Variants in MYO5B observed in about 807,000 individuals in gnomAD.
MYO5B encodes unconventional myosin-Vb.
Under a neutral mutation model 229.3 loss-of-function variants are expected in MYO5B, and 143 were observed. The observed-to-expected ratio is 0.62, with a 90% CI of 0.54 to 0.72. MYO5B has a LOEUF of 0.72. Among genes scored for constraint, MYO5B ranks in the 30% least tolerant of loss-of-function variants. MYO5B has a pLI of 0.00. For missense variants in MYO5B, 2,321 were observed against 2,331.0 expected (o/e 1.00, Z 0.09); for synonymous variants, 918 against 885.2 (o/e 1.04, Z -0.66).
chr18:49,878,419 A>G (rs2024550500), intron 24 of MYO5B, among the ~76,000 whole-genome samples: 1 of 244 alleles, frequency 4.1e-3, no homozygotes. Flanking sequence ...GTTCCTATTC[A>G]GCTTTTCTTT....
chr18:49,967,577 A>G (rs544313227), intron 10 of MYO5B, among the ~76,000 whole-genome samples: 9 of 152,372 alleles, frequency 5.9e-5, no homozygotes, highest in African/African-American at 1.9e-4. Flanking sequence ...AATGATTATT[A>G]GAAGTCACAC....
intron 1 of MYO5B, among the ~76,000 whole-genome samples, chr18:50,140,730 G>A (rs913105418): frequency 1.3e-5 from 2 of 152,194 alleles, no homozygotes; most frequent in African/African-American, 2.4e-5. Context: ...CGACTGTCTA[G>A]TTATAACCAC....
At chr18:50,062,623 C>T (rs920612205) in intron 1 of MYO5B, among the ~76,000 whole-genome samples, 1 of 152,112 alleles carries the variant, frequency 6.6e-6, no homozygotes, top group African/African-American at 2.4e-5. Flanking sequence ...TTAATTAAGC[C>T]CTGCACCCCC....
In MYO5B at chr18:49,961,373, G is replaced by T. The variant is rs1284990298; in HGVS notation, c.1545+893C>A. Among the ~76,000 whole-genome samples the T allele has an allele frequency of 2.0e-5, 3 of 152,174 alleles. No individual in the cohort carries two copies. The East Asian group carries it at 5.8e-4, about 29-fold the overall frequency. ...AAAAAATATGCAAGCTGTAGAACTGGTATATTTTTCTCTGTCTTCTACTGT... is the reference window on the plus strand; with the variant it reads ...AAAAAATATGCAAGCTGTAGAACTGTTATATTTTTCTCTGTCTTCTACTGT... On this transcript the variant is annotated intron_variant, in intron 12 of 39. Coordinates refer to ENST00000285039, the MANE Select transcript of MYO5B (RefSeq NM_001080467.3).
Position 49,992,385 on chromosome 18 carries a change from A to C in MYO5B, c.659T>G (p.Phe220Cys). 6.2e-7 allele frequency: 1 copy of C among 1,614,228 alleles called. No individual in the cohort carries two copies. Among genetic ancestry groups the C allele is most frequent in the Non-Finnish European group, 8.5e-7 (1 of 1,180,042 alleles). The change falls in exon 6 of 40, where the codon TTT becomes TGT. Residue 220 changes from phenylalanine to cysteine, a missense_variant. By Grantham distance (205) the Phe-to-Cys change is radical. This residue lies in a region of MYO5B where 2,113 missense variants were observed against 2,044.7 expected (regional missense o/e 1.03). Transcript: ENST00000285039. ...KTTRNDNSSRFGKYIQIGFDK... is the reference protein window; with the variant it reads ...KTTRNDNSSRCGKYIQIGFDK... ...AAAGCCAATCTGGATGTACTTGCCA[A>C]AACGGCTGCTGTTGTCATTGCGGGT... is the stretch of plus-strand genomic sequence containing the variant.
chr18:50,160,433 C>G (rs890198192), intron 1 of MYO5B, among the ~76,000 whole-genome samples: 1 of 152,148 alleles, frequency 6.6e-6, no homozygotes, highest in Non-Finnish European at 1.5e-5. Context: ...TTCTGTGGAC[C>G]AGTTAATATT....
At chr18:50,131,355 G>T (rs1705518) in intron 1 of MYO5B, among the ~76,000 whole-genome samples, 1 of 152,186 alleles carries the variant, frequency 6.6e-6, no homozygotes, top group Admixed American at 6.5e-5. Context: ...TGTACCATGA[G>T]TCTTTGAGCA....
intron 1 of MYO5B, among the ~76,000 whole-genome samples, chr18:50,063,175 G>A (rs905154597): frequency 2.0e-5 from 3 of 152,098 alleles, no homozygotes; most frequent in African/African-American, 4.8e-5. Flanking sequence ...GAAGCTCAGC[G>A]CTTCCAGATT....
chr18:50,034,277 T>C (rs1016272431), intron 4 of MYO5B, among the ~76,000 whole-genome samples: 1 of 152,342 alleles, frequency 6.6e-6, no homozygotes, highest in Middle Eastern at 3.4e-3. Context: ...GAATGTGTTC[T>C]AGTGTCTAAA....
chr18:50,190,282 ATTC>A (rs1348256028), intron 1 of MYO5B, among the ~76,000 whole-genome samples: 44 of 152,376 alleles, frequency 2.9e-4, no homozygotes, highest in African/African-American at 9.4e-4. Flanking sequence ...ATGAAATGGT[ATTC>A]ACCATGCTTG....
chr18:50,056,071 G>A lies in MYO5B; in HGVS notation c.28-693C>T, dbSNP rs1346375031. 2.0e-5 allele frequency among the ~76,000 whole-genome samples: 3 copies of A among 152,132 alleles called. No individual in the cohort carries two copies. The East Asian group carries it at 5.8e-4, about 29-fold the overall frequency. ...ATGACAGACAGGAACCACTATGCCA[G>A]GCCTATTTGTCCATTCTTTAAGCCA... is the stretch of plus-strand genomic sequence containing the variant. On this transcript the variant is annotated intron_variant, in intron 1 of 39. Coordinates refer to ENST00000285039, the MANE Select transcript of MYO5B (RefSeq NM_001080467.3).
intron 17 of MYO5B, among the ~76,000 whole-genome samples, chr18:49,921,835 G>T (rs1004268993): frequency 1.4e-4 from 21 of 152,178 alleles, no homozygotes; most frequent in Non-Finnish European, 7.4e-5. Context: ...TGCAGTCCTG[G>T]GATGACGCAT....
At chr18:50,105,204 AAAATAAATAAATAAATAAAT>A (rs149697050) in intron 1 of MYO5B, among the ~76,000 whole-genome samples, 37 of 139,058 alleles carry the variant, frequency 2.7e-4, no homozygotes, top group East Asian at 6.3e-4. Flanking sequence ...AGGCATGGTA[AAAATAAATAAATAAATAAAT>A]AAATAAATAA....
chr18:50,123,846 A>G (rs768594561), intron 1 of MYO5B, among the ~76,000 whole-genome samples: 8 of 152,242 alleles, frequency 5.3e-5, no homozygotes, highest in Non-Finnish European at 7.3e-5. Context: ...CAATGCTGGT[A>G]CTTGCCCTCA....
At chr18:49,988,055 C>T (rs2025890880) in intron 7 of MYO5B, among the ~76,000 whole-genome samples, 1 of 152,110 alleles carries the variant, frequency 6.6e-6, no homozygotes, top group East Asian at 1.9e-4. Flanking sequence ...AGAGTGTGGA[C>T]AACTGGATGC....
At chr18:50,082,185 G>C (rs1023383826) in intron 1 of MYO5B, among the ~76,000 whole-genome samples, 2 of 152,120 alleles carry the variant, frequency 1.3e-5, no homozygotes, top group Non-Finnish European at 1.5e-5. Flanking sequence ...GTTGGAGAGA[G>C]GGTTAAATAT....
intron 10 of MYO5B, among the ~76,000 whole-genome samples, chr18:49,966,185 C>T (rs1299784510): frequency 1.3e-5 from 2 of 152,176 alleles, no homozygotes; most frequent in African/African-American, 4.8e-5. Context: ...TTCTCCCACC[C>T]TGGTGCTCAC....
intron 1 of MYO5B, among the ~76,000 whole-genome samples, chr18:50,072,119 A>T (rs981980861): frequency 1.4e-4 from 22 of 152,210 alleles, no homozygotes; most frequent in African/African-American, 5.3e-4. Context: ...GACTTCAGAA[A>T]ACACTGATCT....
intron 10 of MYO5B, among the ~76,000 whole-genome samples, chr18:49,965,127 T>A (rs2025607909): frequency 6.6e-6 from 1 of 152,124 alleles, no homozygotes. Context: ...GCCAGAAAGA[T>A]CCAGTCAGGG....
Sources: gnomAD v4.1 joint callset for allele counts (sites outside exome capture counted in the v4.1 genomes callset) on GRCh38, gnomAD v4.1.1 for gene constraint, gnomAD v4.1.1 regional missense constraint, MANE v1.5 for transcripts, NCBI Gene and HGNC (gene_info 2026-07-23, HGNC 2026-07-21) for gene names.